RPRD1B: variants seen among roughly 807,000 people sequenced by gnomAD.
RPRD1B encodes the protein regulation of nuclear pre-mRNA domain containing 1B, also known as regulation of nuclear pre-mRNA domain-containing protein 1B.
In RPRD1B, 11 loss-of-function variants were observed where a neutral mutation model predicts 41.5. The ratio of observed to expected loss-of-function variants is 0.27; its 90% CI spans 0.17 to 0.44. RPRD1B has a LOEUF of 0.44. Among genes scored for constraint, RPRD1B ranks in the 20% least tolerant of loss-of-function variants. The probability of loss-of-function intolerance (pLI) is 1.00; values close to 1 mark genes in which losing one functional copy is unlikely to be tolerated. For missense variants in RPRD1B, 248 were observed against 389.9 expected, an observed-to-expected ratio of 0.64 and a Z score of 3.06; for synonymous variants, 158 against 155.6, an observed-to-expected ratio of 1.02 and a Z score of -0.12.
intron 2 of RPRD1B, among the ~76,000 whole-genome samples, chr20:38,044,372 ATTTTT>A (rs74179885): frequency 1.6e-5 from 2 of 124,540 alleles, no homozygotes. Context: ...TCAGGTGTTC[ATTTTT>A]TTTTTTTTTT....
intron 2 of RPRD1B, among the ~76,000 whole-genome samples, chr20:38,047,508 T>A (rs1328362474): frequency 6.9e-6 from 1 of 145,630 alleles, no homozygotes; most frequent in Non-Finnish European, 1.5e-5. Flanking sequence ...ATAAGATCGT[T>A]GCCATTTAAA....
In RPRD1B at chr20:38,066,241, G is replaced by A. The variant is rs753102623; in HGVS notation, c.816G>A (p.Lys272=). Residue 272 remains lysine (K), a synonymous_variant, in exon 6 of 7, where the codon AAG becomes AAA. Coordinates refer to ENST00000373433, the MANE Select transcript of RPRD1B (RefSeq NM_021215.4). ...TQNQKDVLSE[K]EKKLEEYKQK... ...ATCAGAAAGATGTTTTGTCGGAGAA[G>A]GAGAAAAAACTAGAGGTGAGTGCAT... The A allele has an allele frequency of 6.2e-7, 1 of 1,614,024 alleles. No homozygotes were observed. The highest frequency in any genetic ancestry group is 8.5e-7 in the Non-Finnish European group (1 of 1,179,956).
intron 6 of RPRD1B, among the ~76,000 whole-genome samples, chr20:38,066,658 A>C (rs1434767090): frequency 6.6e-6 from 1 of 151,782 alleles, no homozygotes; most frequent in Non-Finnish European, 1.5e-5. Context: ...TTGGAGGTTT[A>C]TTTCTTTTTT....
At chr20:38,060,641 C>T (rs1384518028) in intron 5 of RPRD1B, among the ~76,000 whole-genome samples, 1 of 152,118 alleles carries the variant, frequency 6.6e-6, no homozygotes, top group Non-Finnish European at 1.5e-5. Flanking sequence ...GGAAGCAGCA[C>T]AGGGAAAGAC....
chr20:38,072,570 G>A (rs1239712389), intron 6 of RPRD1B, among the ~76,000 whole-genome samples: 1 of 152,132 alleles, frequency 6.6e-6, no homozygotes, highest in Admixed American at 6.5e-5. Flanking sequence ...GTTTTACTAG[G>A]GAATGCATTG....
chr20:38,072,498 G>T (rs766895677), intron 6 of RPRD1B, among the ~76,000 whole-genome samples: 1 of 152,116 alleles, frequency 6.6e-6, no homozygotes. Flanking sequence ...ATTTAGGATC[G>T]CTTGCAATTC....
Position 38,033,947 on chromosome 20 carries a change from C to T in RPRD1B, c.-1C>T, listed in dbSNP as rs1009237725. ...CCCTGCCGGGCCTCACTGCCGCCAC[C>T]ATGTCCTCCTTCTCTGAGTCGGCGC... On this transcript the variant is annotated 5_prime_UTR_variant, in exon 1 of 7. Coordinates refer to ENST00000373433, the MANE Select transcript of RPRD1B (RefSeq NM_021215.4). The T allele has an allele frequency of 1.9e-6, 3 of 1,608,780 alleles. No homozygotes were observed. Among genetic ancestry groups the T allele is most frequent in the East Asian group, 2.2e-5 (1 of 44,698 alleles).
rs2074613530 is a variant in RPRD1B, at chr20:38,091,701, T to C, written c.*1826T>C. ...TGGAGCAGGCCCATCTGGGACACTC[T>C]ATGCTTTCACCAAGGAAGTGCGATC... is the stretch of plus-strand genomic sequence containing the variant. On this transcript the variant is annotated 3_prime_UTR_variant, in exon 7 of 7. Coordinates refer to ENST00000373433, the MANE Select transcript of RPRD1B (RefSeq NM_021215.4). 1 of 985,536 alleles carries C rather than the reference T, an allele frequency of 1.0e-6. No individual in the cohort carries two copies. Among genetic ancestry groups the C allele is most frequent in the South Asian group, 4.7e-5 (1 of 21,290 alleles). 61.0% of individuals were successfully genotyped at this position (985,536 alleles called of 1,614,324 possible). A position where few individuals can be genotyped will look rare whatever the true frequency, so the allele number is the denominator to read the frequency against.
chr20:38,034,239 C>T, intron 1 of RPRD1B, 141 bp downstream of exon 1: 2 of 972,250 alleles, frequency 2.1e-6, no homozygotes, highest in Non-Finnish European at 3.0e-6. Flanking sequence ...AAAGTTAGCC[C>T]CATTTCTCGA....
intron 1 of RPRD1B, among the ~76,000 whole-genome samples, chr20:38,038,558 G>A (rs2074030571): frequency 7.1e-6 from 1 of 140,798 alleles, no homozygotes; most frequent in Admixed American, 7.5e-5. Flanking sequence ...GTGCAGTGGT[G>A]TGATCTCGGC....
chr20:38,080,968 T>G (rs1194263582), intron 6 of RPRD1B, among the ~76,000 whole-genome samples: 7 of 152,220 alleles, frequency 4.6e-5, no homozygotes, highest in Non-Finnish European at 1.0e-4. Context: ...GCTTTGTTCT[T>G]TTTGCTTAGG....
At position 38,059,066 on chromosome 20, in the gene RPRD1B, A is replaced by G. The variant is rs181647046; in HGVS notation, c.529-328A>G. Reference sequence around the variant, plus strand: ...TTTATACCTTTATTCTATACTGGAAATGATACATCATTTGAAATTAAGCAA... The same window carrying G: ...TTTATACCTTTATTCTATACTGGAAGTGATACATCATTTGAAATTAAGCAA... On this transcript the variant is annotated intron_variant, in intron 4 of 6. Transcript: ENST00000373433. Among the ~76,000 whole-genome samples, 43 of 152,308 alleles carry G rather than the reference A, an allele frequency of 2.8e-4. No homozygotes were observed. In the East Asian group the frequency reaches 8.1e-3, roughly 29 times the overall value.
chr20:38,038,490 G>GTTTTTTTTTTTTTTTT (rs150397040), intron 1 of RPRD1B, among the ~76,000 whole-genome samples: 56 of 76,788 alleles, frequency 7.3e-4, no homozygotes, highest in Non-Finnish European at 1.1e-3. Context: ...TTTTTGTTTT[G>GTTTTTTTTTTTTTTTT]TTTTTTTTTT....
intron 2 of RPRD1B, among the ~76,000 whole-genome samples, chr20:38,047,710 T>C (rs896437148): frequency 6.6e-6 from 1 of 152,162 alleles, no homozygotes; most frequent in Non-Finnish European, 1.5e-5. Context: ...AAACATTTTC[T>C]AACTTCTAAT....
chr20:38,060,983 T>G (rs1420935858), intron 5 of RPRD1B, among the ~76,000 whole-genome samples: 1 of 152,224 alleles, frequency 6.6e-6, no homozygotes, highest in African/African-American at 2.4e-5. Context: ...CTTCATTTAT[T>G]CTTACTGTCA....
chr20:38,047,334 C>G (rs2074130906), intron 2 of RPRD1B, among the ~76,000 whole-genome samples: 1 of 152,088 alleles, frequency 6.6e-6, no homozygotes, highest in African/African-American at 2.4e-5. Context: ...TAGGCTGAAA[C>G]CTAAGTTCTC....
At chr20:38,078,334 T>C (rs1483948081) in intron 6 of RPRD1B, among the ~76,000 whole-genome samples, 1 of 152,164 alleles carries the variant, frequency 6.6e-6, no homozygotes, top group Non-Finnish European at 1.5e-5. Context: ...CTGTTCCCAC[T>C]CTCTGCCCAG....
intron 1 of RPRD1B, among the ~76,000 whole-genome samples, chr20:38,037,113 GTC>G (rs1461864915): frequency 6.6e-6 from 1 of 152,184 alleles, no homozygotes; most frequent in African/African-American, 2.4e-5. Flanking sequence ...CTCACAGACT[GTC>G]TCTGAGTTGC....
Position 38,034,174 on chromosome 20 carries a change from G to A in RPRD1B, c.151+76G>A, listed in dbSNP as rs2073966892. 2.0e-6 allele frequency: 3 copies of A among 1,468,644 alleles called. No homozygotes were observed. In the African/African-American group the frequency reaches 4.2e-5, roughly 21 times the overall value. The allele number at this position is 1,468,644 out of a possible 1,614,324, so 91.0% of individuals were successfully genotyped here. On this transcript the variant is annotated intron_variant, in intron 1 of 6. Transcript: ENST00000373433. Reference sequence around the variant, plus strand: ...CCACATACAACCTAGGCCCCTCTAAGCCTCTTCATTGAGCCTTGCTTTCCA... The same window carrying A: ...CCACATACAACCTAGGCCCCTCTAAACCTCTTCATTGAGCCTTGCTTTCCA...
Sources: gnomAD v4.1 joint callset for allele counts (sites outside exome capture counted in the v4.1 genomes callset) on GRCh38, gnomAD v4.1.1 for gene constraint, MANE v1.5 for transcripts, NCBI Gene and HGNC (gene_info 2026-07-23, HGNC 2026-07-21) for gene names.